Variants in PGM5 observed in about 807,000 individuals in gnomAD.
PGM5 encodes the protein phosphoglucomutase-like protein 5.
Under a neutral mutation model 59.2 loss-of-function variants are expected in PGM5, and 23 were observed. The ratio of observed to expected loss-of-function variants is 0.39; its 90% CI spans 0.28 to 0.55. The LOEUF is 0.55. PGM5 is among the 20% of genes least tolerant of loss of function. PGM5 has a pLI of 0.66. For missense variants in PGM5, 574 were observed against 748.3 expected, an observed-to-expected ratio of 0.77 and a Z score of 2.72; for synonymous variants, 214 against 286.0, an observed-to-expected ratio of 0.75 and a Z score of 2.54.
intron 6 of PGM5, among the ~76,000 whole-genome samples, chr9:68,401,499 A>T (rs1227856588): frequency 6.6e-6 from 1 of 152,054 alleles, no homozygotes; most frequent in Non-Finnish European, 1.5e-5. Flanking sequence ...TCTTGGTCTA[A>T]ACAAGTCACT....
intron 10 of PGM5, among the ~76,000 whole-genome samples, chr9:68,521,564 C>A (rs1276677795): frequency 2.6e-5 from 4 of 152,090 alleles, no homozygotes; most frequent in Non-Finnish European, 5.9e-5. Flanking sequence ...TTTGACCTAG[C>A]AAGTGTATTC....
intron 7 of PGM5, among the ~76,000 whole-genome samples, chr9:68,476,602 T>C (rs1352777946): frequency 6.6e-6 from 1 of 152,234 alleles, no homozygotes; most frequent in Non-Finnish European, 1.5e-5. Context: ...ACTATAATCA[T>C]CCAGTGGAAA....
intron 6 of PGM5, among the ~76,000 whole-genome samples, chr9:68,422,290 A>T (rs1226006642): frequency 6.6e-6 from 1 of 152,176 alleles, no homozygotes; most frequent in East Asian, 1.9e-4. Flanking sequence ...CTCCATTTGC[A>T]TAGCAAACAC....
At chr9:68,477,113 G>A (rs1824120302) in intron 7 of PGM5, among the ~76,000 whole-genome samples, 1 of 152,152 alleles carries the variant, frequency 6.6e-6, no homozygotes, top group South Asian at 2.1e-4. Flanking sequence ...CATTTTTGTA[G>A]CAGTGTAAAG....
At chr9:68,373,372 G>T (rs1220991215) in intron 1 of PGM5, among the ~76,000 whole-genome samples, 2 of 151,520 alleles carry the variant, frequency 1.3e-5, no homozygotes, top group African/African-American at 2.4e-5. Context: ...TAATCTTCTG[G>T]TAATTCTCCA....
rs117618704 is a variant in PGM5 at position 68,369,638 on chromosome 9, G to A, written c.262-8561G>A. Among the ~76,000 whole-genome samples the A allele has an allele frequency of 1.6e-3, 244 of 152,272 alleles. 4 individuals are homozygous for A. In the East Asian group the frequency reaches 0.044, roughly 27 times the overall value. On this transcript the variant is annotated intron_variant, in intron 1 of 10. Coordinates refer to ENST00000396396, the MANE Select transcript of PGM5 (RefSeq NM_021965.4). ...TGAAATCTTGAGAAATGGGTGGGCC[G>A]ATTGAAGAACAAGACTTGGGCCACA... is the stretch of plus-strand genomic sequence containing the variant.
chr9:68,488,300 C>T (rs979952314), intron 9 of PGM5, among the ~76,000 whole-genome samples: 1 of 152,186 alleles, frequency 6.6e-6, no homozygotes, highest in African/African-American at 2.4e-5. Context: ...TTTAAGGCAG[C>T]TTGGTCTCCT....
At chr9:68,526,716 A>AATT (rs1270478482) in intron 10 of PGM5, among the ~76,000 whole-genome samples, 2 of 152,170 alleles carry the variant, frequency 1.3e-5, no homozygotes, top group African/African-American at 4.8e-5. Flanking sequence ...CTGAAAAAAT[A>AATT]ATTCTTCTAT....
chr9:68,365,934 C>A (rs1170030347), intron 1 of PGM5, among the ~76,000 whole-genome samples: 1 of 152,088 alleles, frequency 6.6e-6, no homozygotes, highest in Admixed American at 6.5e-5. Flanking sequence ...AAAATTCAAA[C>A]AATTCAATAC....
intron 7 of PGM5, among the ~76,000 whole-genome samples, chr9:68,467,816 A>C (rs1223601682): frequency 6.6e-6 from 1 of 151,596 alleles, no homozygotes; most frequent in African/African-American, 2.4e-5. Flanking sequence ...TATGAAGAGA[A>C]GCTATTGATT....
chr9:68,483,965 G>T lies in PGM5; in HGVS notation c.1396G>T (p.Val466Leu), dbSNP rs199548660. ...ATCCTTCATTGGCCAGCAGTTTGCT[G>T]TGGGGAGCCATGTCTACAGCGTGGC... ...DKSFIGQQFA[V>L]GSHVYSVAKT... The change falls in exon 9 of 11, where the codon GTG becomes TTG. Residue 466 changes from valine to leucine, a missense_variant. Around this residue, in one of 7 missense-constraint regions of PGM5, gnomAD observed 300 missense variants for 280.0 expected, o/e 1.07. Transcript: ENST00000396396. 5 of 1,614,152 alleles carry T rather than the reference G, an allele frequency of 3.1e-6. No homozygotes were observed. In the African/African-American group the frequency reaches 4.0e-5, roughly 13 times the overall value.
intron 9 of PGM5, among the ~76,000 whole-genome samples, chr9:68,485,851 G>A (rs1824285562): frequency 6.6e-6 from 1 of 152,148 alleles, no homozygotes; most frequent in South Asian, 2.1e-4. Flanking sequence ...GAGCTTCTTT[G>A]CAGGTCTGGG....
chr9:68,434,429 G>A (rs1554683246), intron 6 of PGM5, among the ~76,000 whole-genome samples: 1 of 152,008 alleles, frequency 6.6e-6, no homozygotes, highest in Non-Finnish European at 1.5e-5. Context: ...GCATTGATAG[G>A]GTACTTTGAG....
intron 10 of PGM5, among the ~76,000 whole-genome samples, chr9:68,518,410 A>G (rs1206750455): frequency 2.0e-5 from 3 of 152,364 alleles, no homozygotes; most frequent in Non-Finnish European, 4.4e-5. Flanking sequence ...AAAGCAACAC[A>G]TACCAGAATC....
chr9:68,529,774 G>A lies in PGM5; in HGVS notation c.*118G>A, dbSNP rs1245808767. On this transcript the variant is annotated 3_prime_UTR_variant, in exon 11 of 11. Coordinates refer to ENST00000396396, the MANE Select transcript of PGM5 (RefSeq NM_021965.4). Reference sequence around the variant, plus strand: ...ACTTTGGAAAAACAAAAGATATTTTGCTTTTGGGGGATAGAGGGTGGGTGG... The same window carrying A: ...ACTTTGGAAAAACAAAAGATATTTTACTTTTGGGGGATAGAGGGTGGGTGG... The A allele has an allele frequency of 1.7e-6, 1 of 575,632 alleles. No individual in the cohort carries two copies. The highest frequency in any genetic ancestry group is 3.0e-6 in the Non-Finnish European group (1 of 336,646). 35.7% of individuals were successfully genotyped at this position (575,632 alleles called of 1,614,324 possible).
intron 6 of PGM5, among the ~76,000 whole-genome samples, chr9:68,445,517 C>T (rs1429602816): frequency 1.3e-5 from 2 of 152,186 alleles, no homozygotes; most frequent in African/African-American, 4.8e-5. Context: ...CAGCAGACAC[C>T]AGGGTAGCCA....
Position 68,460,894 on chromosome 9 carries a change from T to C in PGM5, c.1044-4199T>C, listed in dbSNP as rs368610126. Among the ~76,000 whole-genome samples the C allele has an allele frequency of 1.1e-4, 16 of 151,968 alleles. No individual in the cohort carries two copies. In the South Asian group the frequency reaches 3.3e-3, roughly 32 times the overall value. On this transcript the variant is annotated intron_variant, in intron 6 of 10. Coordinates refer to ENST00000396396, the MANE Select transcript of PGM5 (RefSeq NM_021965.4). ...ATAGTGTTTGTGTGTGGAGGGAAAG[T>C]GTTCAGTAAGCACACAGCATATTCA...
intron 6 of PGM5, among the ~76,000 whole-genome samples, chr9:68,438,868 C>A (rs548714635): frequency 6.6e-6 from 1 of 152,148 alleles, no homozygotes; most frequent in Admixed American, 6.5e-5. Flanking sequence ...CCTCATTTTT[C>A]ATTTTGTTTT....
At chr9:68,406,678 GTATATA>G (rs782034091) in intron 6 of PGM5, among the ~76,000 whole-genome samples, 12 of 23,598 alleles carry the variant, frequency 5.1e-4, no homozygotes, top group African/African-American at 1.4e-3. Context: ...ATATATATAT[GTATATA>G]TATATATATA....
Sources: allele counts gnomAD v4.1 joint callset (sites outside exome capture counted in the v4.1 genomes callset), GRCh38; gene constraint gnomAD v4.1.1; regional missense constraint gnomAD v4.1.1; transcripts MANE v1.5; gene names NCBI Gene and HGNC (gene_info 2026-07-23, HGNC 2026-07-21).